The following RNGTT variants were observed in gnomAD, a reference collection of about 807,000 sequenced individuals.
RNGTT encodes RNA guanylyltransferase and 5'-phosphatase, also known as mRNA-capping enzyme.
In RNGTT, 33 loss-of-function variants were observed where a neutral mutation model predicts 79.3. That is an observed-to-expected ratio of 0.42 (90% CI 0.32 to 0.56). The LOEUF (loss-of-function observed/expected upper bound fraction) is 0.56, where lower values mean the gene tolerates loss of function less well. Among genes scored for constraint, RNGTT ranks in the 20% least tolerant of loss-of-function variants. RNGTT has a pLI of 0.17. For missense variants in RNGTT, 497 were observed against 739.1 expected, an observed-to-expected ratio of 0.67 and a Z score of 3.80; for synonymous variants, 222 against 235.9, an observed-to-expected ratio of 0.94 and a Z score of 0.54.
chr6:88,693,803 A>G (rs1775564193), intron 13 of RNGTT, among the ~76,000 whole-genome samples: 2 of 152,184 alleles, frequency 1.3e-5, no homozygotes. Context: ...AAACATACAC[A>G]AGTCTATAAA....
intron 11 of RNGTT, among the ~76,000 whole-genome samples, chr6:88,811,443 A>C (rs1004674924): frequency 6.6e-6 from 1 of 152,168 alleles, no homozygotes; most frequent in Non-Finnish European, 1.5e-5. Flanking sequence ...AAAGGTTACC[A>C]TATGATTGAC....
chr6:88,779,235 C>T (rs1778984075), intron 12 of RNGTT, among the ~76,000 whole-genome samples: 2 of 152,136 alleles, frequency 1.3e-5, no homozygotes, highest in Non-Finnish European at 2.9e-5. Flanking sequence ...ACACTATGCA[C>T]ATCCCACCGC....
chr6:88,696,638 T>G (rs1002496996), intron 13 of RNGTT, among the ~76,000 whole-genome samples: 1 of 136,212 alleles, frequency 7.3e-6, no homozygotes, highest in Non-Finnish European at 1.6e-5. Flanking sequence ...ACACACAAAA[T>G]GTGTAAAGTG....
At chr6:88,900,616 C>T (rs1035557896) in intron 6 of RNGTT, among the ~76,000 whole-genome samples, 3 of 151,518 alleles carry the variant, frequency 2.0e-5, no homozygotes, top group Non-Finnish European at 4.4e-5. Flanking sequence ...TGCCAATAGT[C>T]CCAGCTACTC....
At chr6:88,629,993 A>G (rs1215488289) in intron 14 of RNGTT, among the ~76,000 whole-genome samples, 1 of 152,114 alleles carries the variant, frequency 6.6e-6, no homozygotes, top group African/African-American at 2.4e-5. Flanking sequence ...TCTTTGAAGA[A>G]TGCGCCCCCT....
intron 12 of RNGTT, among the ~76,000 whole-genome samples, chr6:88,789,288 A>G (rs955737733): frequency 6.6e-6 from 1 of 152,118 alleles, no homozygotes; most frequent in Non-Finnish European, 1.5e-5. Context: ...CGGGTGTGTT[A>G]ATTACACTCA....
At chr6:88,704,259 C>CAAAAAAAAAAA (rs35623392) in intron 13 of RNGTT, among the ~76,000 whole-genome samples, 12 of 48,730 alleles carry the variant, frequency 2.5e-4, no homozygotes, top group African/African-American at 8.0e-4. Context: ...GACTCTGTCT[C>CAAAAAAAAAAA]AAAAAAAAAA....
intron 13 of RNGTT, among the ~76,000 whole-genome samples, chr6:88,765,028 T>C (rs138396254): frequency 0.085 from 12,872 of 151,772 alleles, 815 homozygotes; most frequent in Non-Finnish European, 0.12. Flanking sequence ...CCGTCTCTAC[T>C]AAAAATACAA....
intron 9 of RNGTT, 69 bp downstream of exon 9, chr6:88,853,560 A>T: frequency 9.1e-7 from 1 of 1,100,552 alleles, no homozygotes; most frequent in Non-Finnish European, 1.3e-6. Flanking sequence ...CAACAGAAAT[A>T]CACATTTACT....
chr6:88,919,449 C>CA (rs1236289406), intron 4 of RNGTT, among the ~76,000 whole-genome samples: 3 of 152,058 alleles, frequency 2.0e-5, no homozygotes, highest in Non-Finnish European at 4.4e-5. Context: ...GGGCTGGTGA[C>CA]AATGTATCTT....
intron 2 of RNGTT, among the ~76,000 whole-genome samples, chr6:88,930,719 C>T (rs1464196774): frequency 6.6e-6 from 1 of 152,044 alleles, no homozygotes; most frequent in Non-Finnish European, 1.5e-5. Flanking sequence ...AATAAAAATA[C>T]ATTTCCGGTA....
At chr6:88,920,679 G>A (rs1170825001) in intron 4 of RNGTT, among the ~76,000 whole-genome samples, 4 of 152,124 alleles carry the variant, frequency 2.6e-5, no homozygotes, top group African/African-American at 7.2e-5. Flanking sequence ...TATGCTTAAT[G>A]AATTCAAAGG....
intron 8 of RNGTT, among the ~76,000 whole-genome samples, chr6:88,890,249 C>T (rs1562304536): frequency 6.6e-6 from 1 of 152,094 alleles, no homozygotes; most frequent in African/African-American, 2.4e-5. Flanking sequence ...TCAAACTTAA[C>T]ATCTAGTTAT....
intron 13 of RNGTT, among the ~76,000 whole-genome samples, chr6:88,727,553 C>A (rs1424877950): frequency 7.2e-5 from 11 of 152,104 alleles, no homozygotes; most frequent in Non-Finnish European, 2.9e-5. Context: ...TATGGTCAGA[C>A]ATTAAAATTG....
intron 8 of RNGTT, among the ~76,000 whole-genome samples, chr6:88,883,812 T>A (rs1310243273): frequency 6.6e-6 from 1 of 152,074 alleles, no homozygotes; most frequent in Non-Finnish European, 1.5e-5. Flanking sequence ...TAATAAAATT[T>A]TGTATGGCAA....
Position 88,713,113 on chromosome 6 carries a change from T to G in RNGTT, c.1440-34694A>C, listed in dbSNP as rs139375626. On this transcript the variant is annotated intron_variant, in intron 13 of 15. Coordinates refer to ENST00000369485, the MANE Select transcript of RNGTT (RefSeq NM_003800.5). ...AAGTCATGTGTTCAAACCCTAACCC[T>G]CAAAGAGATGGTATGAGGTGGTGGG... 2.0e-3 allele frequency among the ~76,000 whole-genome samples: 308 copies of G among 152,192 alleles called. 2 individuals are homozygous for G. Among genetic ancestry groups the G allele is most frequent in the African/African-American group, 7.3e-3 (301 of 41,510 alleles).
chr6:88,719,315 AT>A (rs769833639), intron 13 of RNGTT, among the ~76,000 whole-genome samples: 1 of 152,180 alleles, frequency 6.6e-6, no homozygotes, highest in Non-Finnish European at 1.5e-5. Context: ...ATCACTTGGA[AT>A]TCAGTTATCT....
intron 8 of RNGTT, among the ~76,000 whole-genome samples, chr6:88,869,879 A>G (rs1782299204): frequency 1.3e-5 from 2 of 152,182 alleles, no homozygotes; most frequent in South Asian, 4.1e-4. Flanking sequence ...TATATATTAT[A>G]TCCTGCAACT....
chr6:88,889,934 G>A (rs546490191), intron 8 of RNGTT, among the ~76,000 whole-genome samples: 17 of 152,216 alleles, frequency 1.1e-4, no homozygotes, highest in Admixed American at 7.2e-4. Context: ...AGCCTTGATC[G>A]TGCTAAGGCA....
Sources: allele counts gnomAD v4.1 joint callset (sites outside exome capture counted in the v4.1 genomes callset), GRCh38; gene constraint gnomAD v4.1.1; transcripts MANE v1.5; gene names NCBI Gene and HGNC (gene_info 2026-07-23, HGNC 2026-07-21).